Variants in USH2A observed in about 807,000 individuals in gnomAD.
The protein encoded by USH2A is usherin, also known as Usher syndrome 2A (autosomal recessive, mild).
A neutral mutation model predicts 538.9 loss-of-function variants in USH2A; 443 were observed. That is an observed-to-expected ratio of 0.82 (90% CI 0.76 to 0.89). The LOEUF (loss-of-function observed/expected upper bound fraction) is 0.89. Among genes scored for constraint, USH2A ranks in the 40% least tolerant of loss-of-function variants. USH2A has a pLI of 0.00. For missense variants in USH2A, 6,633 were observed against 6,324.8 expected (o/e 1.05, Z -1.65); for synonymous variants, 2,413 against 2,273.5 (o/e 1.06, Z -1.75).
At chr1:215,751,922 A>G (rs543813980) in intron 58 of USH2A, among the ~76,000 whole-genome samples, 15 of 152,326 alleles carry the variant, frequency 9.8e-5, no homozygotes, top group African/African-American at 3.1e-4. Flanking sequence ...GCCCAAGGCC[A>G]GAGGACAACT....
At chr1:215,899,965 AAAC>A (rs945630460) in intron 40 of USH2A, 107 bp downstream of exon 40, 12 of 1,518,332 alleles carry the variant, frequency 7.9e-6, no homozygotes, top group African/African-American at 4.1e-5. Flanking sequence ...TATTGTCACT[AAAC>A]AACAAGTAAA....
chr1:215,901,693 A>G (rs1665506337), intron 38 of USH2A, among the ~76,000 whole-genome samples: 1 of 152,142 alleles, frequency 6.6e-6, no homozygotes, highest in Non-Finnish European at 1.5e-5. Context: ...AGAAGGCCTA[A>G]CAGGAATGTG....
chr1:216,169,343 A>G (rs982295787), intron 21 of USH2A, among the ~76,000 whole-genome samples: 1 of 152,110 alleles, frequency 6.6e-6, no homozygotes, highest in African/African-American at 2.4e-5. Flanking sequence ...ATTTCAAAAA[A>G]AAGGGAGACT....
At chr1:215,641,448 C>T (rs973545347) in intron 67 of USH2A, among the ~76,000 whole-genome samples, 7 of 152,146 alleles carry the variant, frequency 4.6e-5, no homozygotes, top group Non-Finnish European at 8.8e-5. Context: ...ACTTTGTGTG[C>T]ATTTCACAGG....
Position 216,073,130 on chromosome 1 carries a change from T to G in USH2A, c.5743A>C (p.Ser1915Arg). 2 of 1,613,846 alleles carry G rather than the reference T, an allele frequency of 1.2e-6. No individual in the cohort carries two copies. The highest frequency in any genetic ancestry group is 4.5e-5 in the East Asian group (2 of 44,854). The change falls in exon 28 of 72, where the codon AGT (serine) becomes CGT (arginine). Residue 1915 changes from serine (S) to arginine (R), a missense_variant. Transcript: ENST00000307340. ...SILVYQGKEQ[S>R]VYEGGLQPFT... Reference sequence around the variant, plus strand: ...GGCTGGAGACCACCCTCGTAAACACTCTGCTCTTTTCCCTGGTAAACCAGG... The same window carrying G: ...GGCTGGAGACCACCCTCGTAAACACGCTGCTCTTTTCCCTGGTAAACCAGG...
At chr1:216,309,732 T>C (rs2037385963) in intron 9 of USH2A, among the ~76,000 whole-genome samples, 1 of 152,116 alleles carries the variant, frequency 6.6e-6, no homozygotes. Context: ...TACTCCTTAT[T>C]TGTGGAGAGT....
chr1:215,988,200 C>G (rs680024), intron 35 of USH2A, among the ~76,000 whole-genome samples: 97,463 of 151,552 alleles, frequency 0.64, 32,587 homozygotes, highest in East Asian at 0.9. Flanking sequence ...CCCTTCCACC[C>G]AGACCTTGGT....
chr1:215,749,660 C>T (rs1199051629), intron 58 of USH2A, among the ~76,000 whole-genome samples: 2 of 152,168 alleles, frequency 1.3e-5, no homozygotes, highest in African/African-American at 2.4e-5. Context: ...TGGGAAGCCA[C>T]ACGACTTGGT....
chr1:215,973,656 C>CTTTTTTTTTTTTTTTTTTTT (rs750306238), intron 35 of USH2A, among the ~76,000 whole-genome samples: 1 of 130,960 alleles, frequency 7.6e-6, no homozygotes, highest in Non-Finnish European at 1.6e-5. Flanking sequence ...TCTTCTTCTT[C>CTTTTTTTTTTTTTTTTTTTT]TTTTTTTTTT....
intron 32 of USH2A, among the ~76,000 whole-genome samples, chr1:216,002,524 C>T (rs1340103427): frequency 6.6e-6 from 1 of 152,116 alleles, no homozygotes; most frequent in East Asian, 1.9e-4. Flanking sequence ...TATAGTGTTT[C>T]AACTGAGAAC....
At chr1:216,338,514 A>G (rs1337781384) in intron 4 of USH2A, among the ~76,000 whole-genome samples, 2 of 151,590 alleles carry the variant, frequency 1.3e-5, no homozygotes, top group Non-Finnish European at 3.0e-5. Flanking sequence ...TTTCTTAAGT[A>G]AGATATAAAA....
Position 216,418,626 on chromosome 1 carries a change from G to C in USH2A, c.539C>G (p.Ser180Cys). The C allele has an allele frequency of 6.2e-7, 1 of 1,613,266 alleles. No individual in the cohort carries two copies. Among genetic ancestry groups the C allele is most frequent in the Non-Finnish European group, 8.5e-7 (1 of 1,179,558 alleles). Residue 180 changes from serine (S) to cysteine (C), a missense_variant, in exon 3 of 72, where the codon TCT becomes TGT. By Grantham distance (112) the Ser-to-Cys change is moderately radical. Transcript: ENST00000307340. ...ATAATAAAACATGGTCTCTTTCTCA[G>C]ATATTGTAAGTTTGAACACAATCTG... ...DGQIVFKLTI[S>C]EKETMFYYRT...
chr1:216,036,423 C>A (rs933970382), intron 32 of USH2A, among the ~76,000 whole-genome samples: 8 of 151,974 alleles, frequency 5.3e-5, no homozygotes, highest in African/African-American at 7.2e-5. Context: ...GGGGACATAC[C>A]TATATATGTA....
At position 215,648,669 on chromosome 1, in the gene USH2A, C is replaced by T; in HGVS notation, c.14441G>A (p.Cys4814Tyr). ...GVEACTCFNCCSKGPTAELRT... is the reference protein window; with the variant it reads ...GVEACTCFNCYSKGPTAELRT... Reference sequence around the variant, plus strand: ...CAGTTCAGCTGTCGGTCCTTTGCTGCAACAGTTGAAGCAGGTGCAGGCCTC... The same window carrying T: ...CAGTTCAGCTGTCGGTCCTTTGCTGTAACAGTTGAAGCAGGTGCAGGCCTC... Residue 4814 changes from cysteine to tyrosine, a missense_variant, in exon 66 of 72, where the codon TGC becomes TAC. Coordinates refer to ENST00000307340, the MANE Select transcript of USH2A (RefSeq NM_206933.4). The T allele has an allele frequency of 6.2e-7, 1 of 1,614,168 alleles. No homozygotes were observed. The highest frequency in any genetic ancestry group is 8.5e-7 in the Non-Finnish European group (1 of 1,180,024).
In USH2A at chr1:216,107,747, T is replaced by A. The variant is rs1384917668; in HGVS notation, c.4628-10534A>T. ...TGTGCCTTCCCTACCTTGTTATGGA[T>A]TAGAGGAGTTACCTTAACATTCCAT... On this transcript the variant is annotated intron_variant, in intron 21 of 71. Transcript: ENST00000307340. Among the ~76,000 whole-genome samples the A allele has an allele frequency of 1.6e-3, 237 of 151,504 alleles. 3 individuals are homozygous for A. The East Asian group carries it at 0.029, about 18-fold the overall frequency.
intron 35 of USH2A, among the ~76,000 whole-genome samples, chr1:215,976,716 T>C (rs1231091618): frequency 6.6e-6 from 1 of 152,182 alleles, no homozygotes; most frequent in African/African-American, 2.4e-5. Context: ...CTTGATTGTG[T>C]TGAATTAACT....
chr1:216,334,203 A>G (rs2102668924), intron 4 of USH2A, among the ~76,000 whole-genome samples: 1 of 152,196 alleles, frequency 6.6e-6, no homozygotes, highest in African/African-American at 2.4e-5. Flanking sequence ...ACGGCACAAA[A>G]GAAAGCAGAG....
At chr1:216,107,794 C>T (rs908405951) in intron 21 of USH2A, among the ~76,000 whole-genome samples, 2 of 151,240 alleles carry the variant, frequency 1.3e-5, no homozygotes, top group African/African-American at 2.4e-5. Context: ...TTTCATCTCC[C>T]TAGGTAGACT....
At chr1:216,399,831 G>A (rs940965727) in intron 3 of USH2A, among the ~76,000 whole-genome samples, 6 of 152,126 alleles carry the variant, frequency 3.9e-5, no homozygotes, top group African/African-American at 1.2e-4. Flanking sequence ...TGCAGTGTGA[G>A]TCAGTGCTCC....
Sources: gnomAD v4.1 joint callset for allele counts (sites outside exome capture counted in the v4.1 genomes callset) on GRCh38, gnomAD v4.1.1 for gene constraint, MANE v1.5 for transcripts, NCBI Gene and HGNC (gene_info 2026-07-23, HGNC 2026-07-21) for gene names.